CDH13: variants seen among roughly 807,000 people sequenced by gnomAD.
CDH13 encodes the protein cadherin-13.
A neutral mutation model predicts 63.8 loss-of-function variants in CDH13; 24 were observed. The ratio of observed to expected loss-of-function variants is 0.38; its 90% confidence interval spans 0.27 to 0.53. CDH13 has a LOEUF of 0.53. CDH13 is among the 20% of genes least tolerant of loss of function. The pLI, the probability that CDH13 is intolerant of heterozygous loss-of-function variation, is 0.85. For missense variants in CDH13, 1,049 were observed against 903.1 expected, an observed-to-expected ratio of 1.16 and a Z score of -2.07; for synonymous variants, 503 against 355.3, an observed-to-expected ratio of 1.42 and a Z score of -4.67.
In CDH13 at chr16:83,001,214, A is replaced by C. The variant is rs192749010; in HGVS notation, c.158-30796A>C. 1.3e-4 allele frequency among the ~76,000 whole-genome samples: 20 copies of C among 152,382 alleles called. No individual in the cohort carries two copies. The East Asian group carries it at 3.7e-3, about 28-fold the overall frequency. Reference sequence around the variant, plus strand: ...CCACACAGCATAGAAATCTGCACAGAGCAGGCAAGTAACTTACGTTTGCTT... The same window carrying C: ...CCACACAGCATAGAAATCTGCACAGCGCAGGCAAGTAACTTACGTTTGCTT... On this transcript the variant is annotated intron_variant, in intron 2 of 13. Coordinates refer to ENST00000567109, the MANE Select transcript of CDH13 (RefSeq NM_001257.5).
intron 1 of CDH13, among the ~76,000 whole-genome samples, chr16:82,739,536 T>C (rs144386309): frequency 6.6e-6 from 1 of 152,190 alleles, no homozygotes; most frequent in Non-Finnish European, 1.5e-5. Flanking sequence ...CTACTTACTC[T>C]CCCTGTTTAA....
chr16:83,300,432 C>T (rs1024636720), intron 5 of CDH13, among the ~76,000 whole-genome samples: 1 of 152,198 alleles, frequency 6.6e-6, no homozygotes, highest in Non-Finnish European at 1.5e-5. Flanking sequence ...TTTCTCAAAC[C>T]TGGAAGGGAG....
At chr16:83,373,371 G>C (rs1167346530) in intron 6 of CDH13, among the ~76,000 whole-genome samples, 1 of 152,158 alleles carries the variant, frequency 6.6e-6, no homozygotes, top group Admixed American at 6.5e-5. Context: ...GCAGGGAAAA[G>C]ATCTAGAAGG....
intron 5 of CDH13, among the ~76,000 whole-genome samples, chr16:83,299,909 A>C (rs957317444): frequency 6.6e-6 from 1 of 152,192 alleles, no homozygotes; most frequent in Non-Finnish European, 1.5e-5. Context: ...CACGATGCTG[A>C]CCAGGGCTAC....
At chr16:83,182,998 A>C (rs2038397189) in intron 4 of CDH13, among the ~76,000 whole-genome samples, 2 of 152,190 alleles carry the variant, frequency 1.3e-5, no homozygotes, top group African/African-American at 2.4e-5. Flanking sequence ...AGAATAAAAA[A>C]TAAAAATTAA....
intron 2 of CDH13, among the ~76,000 whole-genome samples, chr16:82,967,245 A>T (rs551260666): frequency 6.6e-6 from 1 of 151,652 alleles, no homozygotes; most frequent in South Asian, 2.1e-4. Context: ...TCACATCCTC[A>T]CAAACTCCCC....
intron 1 of CDH13, among the ~76,000 whole-genome samples, chr16:82,773,061 C>G (rs920561683): frequency 1.8e-4 from 28 of 152,328 alleles, no homozygotes; most frequent in African/African-American, 6.5e-4. Flanking sequence ...GAACTCAAAT[C>G]TCATCGAGGG....
intron 11 of CDH13, among the ~76,000 whole-genome samples, chr16:83,750,936 A>G (rs1266688372): frequency 6.6e-6 from 1 of 151,798 alleles, no homozygotes; most frequent in Non-Finnish European, 1.5e-5. Flanking sequence ...AAGCATTTGG[A>G]ACAGTACCTT....
rs202001780 is a variant in CDH13, at chr16:83,111,837, AAG to A, written c.367-13544_367-13543del. 5.9e-3 allele frequency among the ~76,000 whole-genome samples: 892 copies of A among 152,332 alleles called. 12 individuals are homozygous for A. The highest frequency in any genetic ancestry group is 0.019 in the African/African-American group (786 of 41,574). ...ATGGAATATCAAAAACCTAAAGAGA[AAG>A]AGAAATAAAAATAAACTATATGAAC... is the stretch of plus-strand genomic sequence containing the variant. On this transcript the variant is annotated intron_variant, in intron 3 of 13. Transcript: ENST00000567109.
chr16:82,649,473 A>G (rs191233149), intron 1 of CDH13, among the ~76,000 whole-genome samples: 10 of 152,360 alleles, frequency 6.6e-5, no homozygotes, highest in Middle Eastern at 3.4e-3. Context: ...AGAAAGCACT[A>G]GATTCAACAA....
intron 1 of CDH13, among the ~76,000 whole-genome samples, chr16:82,769,337 T>C (rs918547484): frequency 5.3e-5 from 8 of 152,280 alleles, no homozygotes; most frequent in African/African-American, 1.7e-4. Context: ...ATCCTAATTA[T>C]ACTAAGAAAA....
intron 1 of CDH13, among the ~76,000 whole-genome samples, chr16:82,735,040 C>G (rs556048123): frequency 6.6e-6 from 1 of 152,160 alleles, no homozygotes; most frequent in African/African-American, 2.4e-5. Flanking sequence ...TGGCTTGAAC[C>G]AGGAGGTGGC....
intron 8 of CDH13, among the ~76,000 whole-genome samples, chr16:83,648,077 C>G (rs1044284544): frequency 6.6e-6 from 1 of 152,098 alleles, no homozygotes; most frequent in Non-Finnish European, 1.5e-5. Flanking sequence ...AATATTCCCT[C>G]AAGGTGTGTT....
At chr16:83,345,762 A>T (rs1005457935) in intron 6 of CDH13, among the ~76,000 whole-genome samples, 3 of 152,208 alleles carry the variant, frequency 2.0e-5, no homozygotes, top group Non-Finnish European at 2.9e-5. Context: ...TCTTCGGCTC[A>T]CTTTGATTTT....
chr16:82,921,761 T>C (rs1236548719), intron 2 of CDH13, among the ~76,000 whole-genome samples: 1 of 152,184 alleles, frequency 6.6e-6, no homozygotes, highest in African/African-American at 2.4e-5. Context: ...AGTGGCCTCA[T>C]AGAATGAGTT....
chr16:83,084,271 AGGATCTGT>A (rs1314275322), intron 3 of CDH13, among the ~76,000 whole-genome samples: 2 of 152,220 alleles, frequency 1.3e-5, no homozygotes, highest in Non-Finnish European at 2.9e-5. Context: ...AGTCTGGAGA[AGGATCTGT>A]GACCTGGGAA....
chr16:82,996,255 G>A (rs1017358681), intron 2 of CDH13, among the ~76,000 whole-genome samples: 11 of 151,792 alleles, frequency 7.2e-5, no homozygotes, highest in African/African-American at 2.7e-4. Flanking sequence ...AATGAAAATG[G>A]TAAGAAAAAG....
chr16:82,685,500 T>C (rs2150966998), intron 1 of CDH13, among the ~76,000 whole-genome samples: 1 of 152,352 alleles, frequency 6.6e-6, no homozygotes, highest in East Asian at 1.9e-4. Flanking sequence ...AATAAATCTT[T>C]AGCCTGTAGC....
At chr16:82,779,154 C>T (rs1181854860) in intron 1 of CDH13, among the ~76,000 whole-genome samples, 1 of 152,198 alleles carries the variant, frequency 6.6e-6, no homozygotes, top group Admixed American at 6.5e-5. Context: ...GTAGCAGTTA[C>T]TGTATGCTAG....
Sources: gnomAD v4.1 joint callset for allele counts (sites outside exome capture counted in the v4.1 genomes callset) on GRCh38, gnomAD v4.1.1 for gene constraint, MANE v1.5 for transcripts, NCBI Gene and HGNC (gene_info 2026-07-23, HGNC 2026-07-21) for gene names.